The following CTNNA2 variants were observed in gnomAD, a reference collection of about 807,000 sequenced individuals.
CTNNA2 encodes the protein catenin alpha-2.
Under a neutral mutation model 101.0 loss-of-function variants are expected in CTNNA2, and 42 were observed. The ratio of observed to expected loss-of-function variants is 0.42; its 90% confidence interval spans 0.32 to 0.54. The LOEUF is 0.54. Ranked by LOEUF, CTNNA2 falls within the 20% of genes least tolerant of loss-of-function variation. The probability of loss-of-function intolerance (pLI) is 0.14; values close to 1 mark genes in which losing one functional copy is unlikely to be tolerated. For synonymous variants in CTNNA2, 450 were observed against 456.4 expected (o/e 0.99, Z 0.18); for missense variants, 871 against 1,223.1 (o/e 0.71, Z 4.29).
intron 7 of CTNNA2, among the ~76,000 whole-genome samples, chr2:80,073,607 G>T (rs1698486899): frequency 6.6e-6 from 1 of 152,060 alleles, no homozygotes; most frequent in Non-Finnish European, 1.5e-5. Context: ...AAAAATTTGA[G>T]ATTGATGCCA....
At chr2:79,495,028 G>C (rs1671241299) in intron 4 of CTNNA2, among the ~76,000 whole-genome samples, 1 of 152,086 alleles carries the variant, frequency 6.6e-6, no homozygotes, top group Admixed American at 6.6e-5. Context: ...GCGTGAACCA[G>C]GGAGGCGGAG....
At chr2:79,517,777 T>C (rs1671883850) in intron 1 of CTNNA2, among the ~76,000 whole-genome samples, 1 of 152,238 alleles carries the variant, frequency 6.6e-6, no homozygotes, top group South Asian at 2.1e-4. Context: ...ATAGTGATAG[T>C]CTAACTTCAG....
At chr2:79,977,238 A>ACACG (rs1690929721) in intron 7 of CTNNA2, among the ~76,000 whole-genome samples, 1 of 151,954 alleles carries the variant, frequency 6.6e-6, no homozygotes, top group Non-Finnish European at 1.5e-5. Context: ...ACACACACAC[A>ACACG]CACACACACA....
rs552675212 is a variant in CTNNA2, at chr2:79,626,517, A to G, written c.-5-25035A>G. Among the ~76,000 whole-genome samples, 37 of 152,028 alleles carry G rather than the reference A, an allele frequency of 2.4e-4. No individual in the cohort carries two copies. The South Asian group carries it at 4.8e-3, about 20-fold the overall frequency. On this transcript the variant is annotated intron_variant, in intron 1 of 18. Coordinates refer to ENST00000402739, the MANE Select transcript of CTNNA2 (RefSeq NM_001282597.3). ...AACTTGCTCTGTGCAAATTTAACCAATCCTGTGCATATGTAGTTCTTTTTC... is the reference window on the plus strand; with the variant it reads ...AACTTGCTCTGTGCAAATTTAACCAGTCCTGTGCATATGTAGTTCTTTTTC...
chr2:79,448,316 C>T (rs975774946), intron 4 of CTNNA2, among the ~76,000 whole-genome samples: 13 of 151,910 alleles, frequency 8.6e-5, no homozygotes, highest in Non-Finnish European at 1.5e-4. Flanking sequence ...TGAACTGTTT[C>T]TTCAAGTGTA....
intron 7 of CTNNA2, among the ~76,000 whole-genome samples, chr2:80,311,829 A>G (rs1275223058): frequency 1.3e-5 from 2 of 152,234 alleles, no homozygotes; most frequent in African/African-American, 2.4e-5. Flanking sequence ...TTCTATTAAC[A>G]CTAAACCAGA....
chr2:79,298,255 G>A (rs1041324795), intron 2 of CTNNA2, among the ~76,000 whole-genome samples: 1 of 152,136 alleles, frequency 6.6e-6, no homozygotes, highest in Non-Finnish European at 1.5e-5. Flanking sequence ...AGAGAGATAG[G>A]TGGAGATGCC....
chr2:79,823,680 G>T (rs1049345959), intron 3 of CTNNA2, among the ~76,000 whole-genome samples: 1 of 152,002 alleles, frequency 6.6e-6, no homozygotes, highest in South Asian at 2.1e-4. Flanking sequence ...TAACCCTGAA[G>T]AATTTTATCA....
intron 7 of CTNNA2, among the ~76,000 whole-genome samples, chr2:79,991,108 A>T (rs1458821996): frequency 6.6e-6 from 1 of 151,870 alleles, no homozygotes; most frequent in Non-Finnish European, 1.5e-5. Context: ...TTTTTGTGGG[A>T]TCGGTCGTGA....
At chr2:80,380,232 TTCAC>T (rs1676382344) in intron 7 of CTNNA2, among the ~76,000 whole-genome samples, 1 of 152,042 alleles carries the variant, frequency 6.6e-6, no homozygotes, top group Non-Finnish European at 1.5e-5. Flanking sequence ...GAGACGGGGT[TTCAC>T]CGTGTTAGCC....
chr2:79,354,789 A>G (rs2104441759), intron 3 of CTNNA2, among the ~76,000 whole-genome samples: 1 of 152,300 alleles, frequency 6.6e-6, no homozygotes, highest in South Asian at 2.1e-4. Flanking sequence ...GGAGCTGTTC[A>G]GAGCTAGGAA....
At chr2:79,828,058 T>G (rs920747706) in intron 3 of CTNNA2, among the ~76,000 whole-genome samples, 1 of 152,210 alleles carries the variant, frequency 6.6e-6, no homozygotes, top group African/African-American at 2.4e-5. Context: ...TATATTATCT[T>G]AAATATATTG....
At chr2:79,733,860 G>C (rs1250517718) in intron 2 of CTNNA2, among the ~76,000 whole-genome samples, 1 of 152,070 alleles carries the variant, frequency 6.6e-6, no homozygotes, top group African/African-American at 2.4e-5. Flanking sequence ...TCGTGTTCAT[G>C]TCAATCAAAG....
chr2:79,445,930 T>TG, intron 4 of CTNNA2, among the ~76,000 whole-genome samples: 1 of 152,098 alleles, frequency 6.6e-6, no homozygotes, highest in African/African-American at 2.4e-5. Context: ...TTCAAATAAT[T>TG]TTTTATTTAT....
At chr2:80,000,424 A>G (rs1007452470) in intron 7 of CTNNA2, among the ~76,000 whole-genome samples, 1 of 152,178 alleles carries the variant, frequency 6.6e-6, no homozygotes, top group South Asian at 2.1e-4. Context: ...ACAAATAAAC[A>G]AACAAAACAG....
At position 80,630,171 on chromosome 2, in the gene CTNNA2, C is replaced by A. The variant is rs147045180; in HGVS notation, c.2574+10943C>A. On this transcript the variant is annotated intron_variant, in intron 18 of 18. Coordinates refer to ENST00000402739, the MANE Select transcript of CTNNA2 (RefSeq NM_001282597.3). ...AGAGCTTATGTATTTCTATTCCCAA[C>A]GGTAATTAAGGGTTTCAGTGAAAAT... Among the ~76,000 whole-genome samples the A allele has an allele frequency of 3.4e-4, 52 of 152,200 alleles. 1 individual carries two copies. The highest frequency in any genetic ancestry group is 8.7e-4 in the African/African-American group (36 of 41,520).
chr2:79,470,454 G>A (rs900358404), intron 4 of CTNNA2, among the ~76,000 whole-genome samples: 1 of 152,194 alleles, frequency 6.6e-6, no homozygotes, highest in African/African-American at 2.4e-5. Context: ...ACAAAAGCAA[G>A]CAATTCAATA....
At position 79,532,381 on chromosome 2, in the gene CTNNA2, C is replaced by T. The variant is rs187239749; in HGVS notation, c.-6+19174C>T. Among the ~76,000 whole-genome samples, 100 of 152,158 alleles carry T rather than the reference C, an allele frequency of 6.6e-4. 1 individual carries two copies. Among genetic ancestry groups the T allele is most frequent in the African/African-American group, 2.3e-3 (94 of 41,506 alleles). ...AGAGAGTATTCACTTGTCTTATTTCCTTCTAGCCTATGTTCCAAATTTATA... is the reference window on the plus strand; with the variant it reads ...AGAGAGTATTCACTTGTCTTATTTCTTTCTAGCCTATGTTCCAAATTTATA... On this transcript the variant is annotated intron_variant, in intron 1 of 18. Transcript: ENST00000402739.
intron 6 of CTNNA2, among the ~76,000 whole-genome samples, chr2:79,881,656 T>C (rs766741100): frequency 6.6e-6 from 1 of 151,948 alleles, no homozygotes; most frequent in Non-Finnish European, 1.5e-5. Flanking sequence ...TTCCATTTGC[T>C]TGGTAAGTTT....
Sources: allele counts gnomAD v4.1 joint callset (sites outside exome capture counted in the v4.1 genomes callset), GRCh38; gene constraint gnomAD v4.1.1; transcripts MANE v1.5; gene names NCBI Gene and HGNC (gene_info 2026-07-23, HGNC 2026-07-21).